Variants in PNPLA7 observed in about 807,000 individuals in gnomAD.
PNPLA7 encodes patatin like domain 7, lysophospholipase, also known as patatin-like phospholipase domain-containing protein 7.
Under a neutral mutation model 161.7 loss-of-function variants are expected in PNPLA7, and 153 were observed. That is an observed-to-expected ratio of 0.95 (90% CI 0.83 to 1.08). The LOEUF (loss-of-function observed/expected upper bound fraction) is 1.08, where lower values mean the gene tolerates loss of function less well. Among genes scored for constraint, PNPLA7 ranks in the 50% least tolerant of loss-of-function variants. PNPLA7 has a pLI of 0.00. For missense variants in PNPLA7, 1,739 were observed against 1,856.6 expected, an observed-to-expected ratio of 0.94 and a Z score of 1.16; for synonymous variants, 809 against 782.1, an observed-to-expected ratio of 1.03 and a Z score of -0.57.
At chr9:137,503,629 G>GAGGGAGAAGGAGA (rs1833647802) in intron 14 of PNPLA7, among the ~76,000 whole-genome samples, 3 of 142,960 alleles carry the variant, frequency 2.1e-5, no homozygotes, top group Non-Finnish European at 4.6e-5. Flanking sequence ...GGAGAAGGAG[G>GAGGGAGAAGGAGA]AGGGAGAAGG....
intron 8 of PNPLA7, among the ~76,000 whole-genome samples, chr9:137,530,111 C>T (rs369658755): frequency 2.6e-4 from 39 of 151,982 alleles, no homozygotes; most frequent in African/African-American, 7.3e-4. Flanking sequence ...ACTAGAGGTG[C>T]GCGCCACCAC....
At chr9:137,549,385 G>A (rs1208455256) in intron 1 of PNPLA7, among the ~76,000 whole-genome samples, 4 of 152,072 alleles carry the variant, frequency 2.6e-5, no homozygotes, top group Non-Finnish European at 5.9e-5. Context: ...GGCTAACACA[G>A]TGAAACACCG....
chr9:137,509,543 A>AGTTTAACTGGTGTGAG, intron 12 of PNPLA7: 1 of 273,004 alleles, frequency 3.7e-6, no homozygotes, highest in Non-Finnish European at 7.7e-6. Flanking sequence ...GCTGGTACGA[A>AGTTTAACTGGTGTGAG]TGAGTTTAAC....
chr9:137,502,227 G>T (rs1833470461), intron 14 of PNPLA7, among the ~76,000 whole-genome samples: 1 of 152,148 alleles, frequency 6.6e-6, no homozygotes, highest in African/African-American at 2.4e-5. Context: ...CTGTGGAGAG[G>T]CCCTGGGGCA....
At chr9:137,542,866 C>A in intron 6 of PNPLA7, 65 bp from the exon 7 acceptor site, 1 of 1,539,468 alleles carries the variant, frequency 6.5e-7, no homozygotes, top group Non-Finnish European at 8.8e-7. Context: ...CTCCAAGAGT[C>A]TCGAGAGCAC....
At position 137,468,173 on chromosome 9, in the gene PNPLA7, C is replaced by G. The variant is rs1325623072; in HGVS notation, c.2883-700G>C. Among the ~76,000 whole-genome samples, 5 of 151,944 alleles carry G rather than the reference C, an allele frequency of 3.3e-5. No homozygotes were observed. The highest frequency in any genetic ancestry group is 3.3e-4 in the Admixed American group (5 of 15,272). On this transcript the variant is annotated intron_variant, in intron 25 of 34. Coordinates refer to ENST00000406427, the MANE Select transcript of PNPLA7 (RefSeq NM_001098537.3). This position sits in a 1 kb window ranked among gnomAD's most constrained non-coding sequence, Gnocchi z 4.0. ...GGATGTAGACCAGCACCCATGAGACCAGGGAGCACCCCCGAGACCAGGGGG... is the reference window on the plus strand; with the variant it reads ...GGATGTAGACCAGCACCCATGAGACGAGGGAGCACCCCCGAGACCAGGGGG...
chr9:137,501,509 A>G, intron 15 of PNPLA7, 141 bp downstream of exon 15: 1 of 804,534 alleles, frequency 1.2e-6, no homozygotes, highest in South Asian at 1.8e-5. Flanking sequence ...GGGCTCTGCC[A>G]TGGTGCCCAG....
At chr9:137,525,815 G>A (rs1835273452) in intron 8 of PNPLA7, among the ~76,000 whole-genome samples, 1 of 149,616 alleles carries the variant, frequency 6.7e-6, no homozygotes, top group South Asian at 2.2e-4. Context: ...CTGGCGAAAC[G>A]AGACTCCCTT....
chr9:137,464,763 C>T, intron 26 of PNPLA7: 2 of 395,462 alleles, frequency 5.1e-6, no homozygotes, highest in Non-Finnish European at 9.5e-6. Context: ...CTCGGCTTTG[C>T]CTGCTCAGCT....
intron 1 of PNPLA7, among the ~76,000 whole-genome samples, chr9:137,548,902 G>C (rs970421962): frequency 6.6e-6 from 1 of 152,216 alleles, no homozygotes; most frequent in Non-Finnish European, 1.5e-5. Flanking sequence ...TCTGCTTCAG[G>C]ACAGGGGAAC....
Position 137,541,445 on chromosome 9 carries a change from G to A in PNPLA7, c.667-723C>T, listed in dbSNP as rs1054818366. 54 of 985,322 alleles carry A rather than the reference G, an allele frequency of 5.5e-5. No homozygotes were observed. Among genetic ancestry groups the A allele is most frequent in the Non-Finnish European group, 6.4e-5 (53 of 829,938 alleles). 61.0% of individuals were successfully genotyped at this position (985,322 alleles called of 1,614,324 possible). On this transcript the variant is annotated intron_variant, in intron 7 of 34. Transcript: ENST00000406427. This position sits in a 1 kb window ranked among gnomAD's most constrained non-coding sequence, Gnocchi z 4.4. ...AGAACCAAATAATTTGCCCAGCAGC[G>A]CTTTTGGTCTAGAAACCCCGACAGG...
chr9:137,522,786 A>T lies in PNPLA7; in HGVS notation c.819T>A (p.Ala273=), dbSNP rs928609196. The T allele has an allele frequency of 1.2e-6, 2 of 1,613,866 alleles. No individual in the cohort carries two copies. Residue 273 remains alanine, a synonymous_variant, in exon 9 of 35, where the codon GCT becomes GCA. Coordinates refer to ENST00000406427, the MANE Select transcript of PNPLA7 (RefSeq NM_001098537.3). ...AIPSTILRLP[A]AAFHGVFEKY... is the part of the protein sequence containing the mutation. ...TCTCAAAAACTCCATGAAAAGCCGC[A>T]GCTGGAAGCCGGAGGATGGTGGACG...
At position 137,468,186 on chromosome 9, in the gene PNPLA7, C is replaced by T. The variant is rs762659717; in HGVS notation, c.2883-713G>A. 1.4e-4 allele frequency among the ~76,000 whole-genome samples: 22 copies of T among 151,754 alleles called. No individual in the cohort carries two copies. Among genetic ancestry groups the T allele is most frequent in the African/African-American group, 4.6e-4 (19 of 41,294 alleles). Reference sequence around the variant, plus strand: ...CACCCATGAGACCAGGGAGCACCCCCGAGACCAGGGGGCACCCCCGAGACC... The same window carrying T: ...CACCCATGAGACCAGGGAGCACCCCTGAGACCAGGGGGCACCCCCGAGACC... On this transcript the variant is annotated intron_variant, in intron 25 of 34. Transcript: ENST00000406427. The surrounding 1 kb of genome is among the most constrained non-coding windows in gnomAD (Gnocchi z 4.0).
chr9:137,522,933 C>G, intron 8 of PNPLA7, 76 bp from the exon 9 acceptor site: 1 of 1,582,074 alleles, frequency 6.3e-7, no homozygotes, highest in Non-Finnish European at 8.6e-7. Flanking sequence ...CTCCTGGAAG[C>G]CCTGGAGGAG....
intron 26 of PNPLA7, among the ~76,000 whole-genome samples, chr9:137,465,818 C>T (rs1395330863): frequency 1.3e-5 from 2 of 152,146 alleles, no homozygotes; most frequent in Middle Eastern, 3.2e-3. Flanking sequence ...AACCAAAGCT[C>T]GGTTTTGTTC....
chr9:137,464,674 C>A, intron 26 of PNPLA7: 1 of 576,698 alleles, frequency 1.7e-6, no homozygotes, highest in African/African-American at 1.9e-5. Flanking sequence ...CACAGCCCAC[C>A]CTCGGTCCCT....
intron 12 of PNPLA7, 104 bp from the exon 13 acceptor site, chr9:137,506,187 G>T: frequency 1.1e-6 from 1 of 913,680 alleles, no homozygotes; most frequent in Middle Eastern, 2.4e-4. Context: ...ACAGACCCCG[G>T]CAGCTCCCTC....
At chr9:137,517,260 T>C (rs534909954) in intron 11 of PNPLA7, among the ~76,000 whole-genome samples, 1,104 of 86,712 alleles carry the variant, frequency 0.013, 29 homozygotes, top group Middle Eastern at 0.067. Flanking sequence ...CTCCACTCTG[T>C]CCACTCCATC....
chr9:137,494,236 C>T (rs1460549285), intron 19 of PNPLA7, among the ~76,000 whole-genome samples: 1 of 152,156 alleles, frequency 6.6e-6, no homozygotes, highest in Non-Finnish European at 1.5e-5. Context: ...ACCGCTGACC[C>T]TGCACTTCCG....
Sources: allele counts gnomAD v4.1 joint callset (sites outside exome capture counted in the v4.1 genomes callset), GRCh38; gene constraint gnomAD v4.1.1; non-coding constraint Gnocchi (gnomAD v3.1); transcripts MANE v1.5; gene names NCBI Gene and HGNC (gene_info 2026-07-23, HGNC 2026-07-21).